Variants in LRP1B observed in about 807,000 individuals in gnomAD.
LRP1B encodes the protein LDL receptor related protein 1B, also known as low-density lipoprotein receptor-related protein 1B.
In LRP1B, 217 loss-of-function variants were observed where a neutral mutation model predicts 556.6. The ratio of observed to expected loss-of-function variants is 0.39; its 90% CI spans 0.35 to 0.44. LRP1B has a LOEUF of 0.44. Among genes scored for constraint, LRP1B ranks in the 20% least tolerant of loss-of-function variants. The probability of loss-of-function intolerance (pLI) is 1.00; values close to 1 mark genes in which losing one functional copy is unlikely to be tolerated. For synonymous variants in LRP1B, 2,047 were observed against 1,865.8 expected, an observed-to-expected ratio of 1.10 and a Z score of -2.50; for missense variants, 5,053 against 5,620.8, an observed-to-expected ratio of 0.90 and a Z score of 3.23.
intron 14 of LRP1B, among the ~76,000 whole-genome samples, chr2:141,007,565 G>T (rs1697613424): frequency 6.6e-6 from 1 of 151,112 alleles, no homozygotes; most frequent in Admixed American, 6.6e-5. Flanking sequence ...CATGGCCATG[G>T]AATAAAAATG....
At chr2:141,008,742 G>C (rs1452522457) in intron 14 of LRP1B, among the ~76,000 whole-genome samples, 1 of 151,888 alleles carries the variant, frequency 6.6e-6, no homozygotes, top group Non-Finnish European at 1.5e-5. Context: ...CCAGCATAGA[G>C]TGTGTTTGAT....
intron 45 of LRP1B, among the ~76,000 whole-genome samples, chr2:140,538,361 C>T (rs989932426): frequency 6.6e-6 from 1 of 151,970 alleles, no homozygotes; most frequent in African/African-American, 2.4e-5. Context: ...ATTTTTCAAC[C>T]TTTGTCCACC....
chr2:140,251,945 G>A (rs1344283852), intron 86 of LRP1B, among the ~76,000 whole-genome samples: 1 of 149,628 alleles, frequency 6.7e-6, no homozygotes, highest in Non-Finnish European at 1.5e-5. Flanking sequence ...CACTCTTTTG[G>A]TGGTGAGCAT....
intron 18 of LRP1B, among the ~76,000 whole-genome samples, chr2:140,964,911 G>T (rs966887463): frequency 6.6e-6 from 1 of 152,122 alleles, no homozygotes; most frequent in Non-Finnish European, 1.5e-5. Context: ...CTGAGACTGC[G>T]TCATTGCACT....
Position 140,569,311 on chromosome 2 carries a change from A to G in LRP1B, c.7195-27340T>C, listed in dbSNP as rs553773127. 2.0e-5 allele frequency among the ~76,000 whole-genome samples: 3 copies of G among 152,136 alleles called. No homozygotes were observed. In the East Asian group the frequency reaches 5.8e-4, roughly 29 times the overall value. On this transcript the variant is annotated intron_variant, in intron 43 of 90. Transcript: ENST00000389484. The stretch of plus-strand genomic sequence containing the variant: ...AACAAGACCCAGCAGTATGCTACTT[A>G]AAAAGGAATTTCTTTGACCTATAAA...
At chr2:141,863,177 C>G (rs1333942126) in intron 1 of LRP1B, among the ~76,000 whole-genome samples, 1 of 152,034 alleles carries the variant, frequency 6.6e-6, no homozygotes, top group Non-Finnish European at 1.5e-5. Flanking sequence ...TCTATAGCAC[C>G]AAACACAGTG....
chr2:141,048,807 T>C (rs762970620), intron 11 of LRP1B, among the ~76,000 whole-genome samples, 179 bp downstream of exon 11: 3 of 152,148 alleles, frequency 2.0e-5, no homozygotes, highest in Non-Finnish European at 4.4e-5. Flanking sequence ...AAGGCTTTAA[T>C]ACACTGGTAT....
chr2:141,176,585 C>G (rs776772717), intron 7 of LRP1B, among the ~76,000 whole-genome samples: 3 of 151,458 alleles, frequency 2.0e-5, no homozygotes, highest in Non-Finnish European at 4.4e-5. Flanking sequence ...AATTAAACCT[C>G]TTTTCTTCAT....
chr2:141,115,719 T>C (rs1008563451), intron 7 of LRP1B, among the ~76,000 whole-genome samples: 1 of 151,744 alleles, frequency 6.6e-6, no homozygotes, highest in Non-Finnish European at 1.5e-5. Context: ...CCTGACCTCA[T>C]GATCCGCCCC....
chr2:141,300,540 A>T (rs545967129), intron 3 of LRP1B, among the ~76,000 whole-genome samples: 6 of 152,282 alleles, frequency 3.9e-5, no homozygotes. Flanking sequence ...GATAGCCTCA[A>T]TGTTGAAGGT....
intron 7 of LRP1B, among the ~76,000 whole-genome samples, chr2:141,082,115 C>T (rs549893198): frequency 1.3e-5 from 1 of 76,012 alleles, no homozygotes; most frequent in East Asian, 4.2e-4. Flanking sequence ...TCTATAGCTC[C>T]ATTCCAAGAC....
At chr2:141,889,400 A>G (rs375050713) in intron 1 of LRP1B, among the ~76,000 whole-genome samples, 2 of 152,154 alleles carry the variant, frequency 1.3e-5, no homozygotes, top group South Asian at 4.1e-4. Context: ...TCTCCTTCTG[A>G]ATTTATGTGA....
Position 140,813,685 on chromosome 2 carries a change from T to G in LRP1B, c.5331A>C (p.Leu1777Phe), listed in dbSNP as rs1259823108. The change falls in exon 32 of 91, where the codon TTA (leucine) becomes TTC (phenylalanine). Residue 1777 changes from leucine (L) to phenylalanine (F), a missense_variant. By Grantham distance (22) the Leu-to-Phe change is conservative. Around this residue, in one of 5 missense-constraint regions of LRP1B, gnomAD observed 3,619 missense variants for 3,931.9 expected, o/e 0.92. Coordinates refer to ENST00000389484, the MANE Select transcript of LRP1B (RefSeq NM_018557.3). ...LEVIESMKEE[L>F]TKATALTIMD... ...TGATGGTTAGGGCTGTAGCTTTTGT[T>G]AATTCTTCTTTCATTGACTCGATTA... is the stretch of plus-strand genomic sequence containing the variant. The G allele has an allele frequency of 1.9e-6, 3 of 1,613,518 alleles. No homozygotes were observed. In the African/African-American group the frequency reaches 4.0e-5, roughly 22 times the overall value.
At chr2:141,168,571 T>G (rs1026030352) in intron 7 of LRP1B, among the ~76,000 whole-genome samples, 1 of 152,038 alleles carries the variant, frequency 6.6e-6, no homozygotes, top group Non-Finnish European at 1.5e-5. Flanking sequence ...GAAAAGACCA[T>G]GAAAGAAAAA....
intron 71 of LRP1B, among the ~76,000 whole-genome samples, chr2:140,365,493 T>C (rs1682718508): frequency 6.6e-6 from 1 of 151,662 alleles, no homozygotes; most frequent in Non-Finnish European, 1.5e-5. Flanking sequence ...ATGAATAAAT[T>C]TGGGTTATAT....
intron 3 of LRP1B, among the ~76,000 whole-genome samples, chr2:141,478,353 A>T (rs1159666160): frequency 1.3e-5 from 2 of 152,212 alleles, no homozygotes; most frequent in Admixed American, 6.5e-5. Context: ...TTAAAAGCTT[A>T]GTCATACATA....
At chr2:141,217,193 TTAGTGCTGTCCTCAGAA>T (rs1682849675) in intron 6 of LRP1B, among the ~76,000 whole-genome samples, 1 of 151,066 alleles carries the variant, frequency 6.6e-6, no homozygotes, top group Non-Finnish European at 1.5e-5. Context: ...CTCTCAAGGC[TTAGTGCTGTCCTCAGAA>T]TAGTGAGTGA....
chr2:140,751,350 A>G (rs980073012), intron 35 of LRP1B, among the ~76,000 whole-genome samples: 5 of 152,140 alleles, frequency 3.3e-5, no homozygotes, highest in African/African-American at 1.2e-4. Flanking sequence ...TAAAATATAT[A>G]TAAATGGAAG....
intron 2 of LRP1B, among the ~76,000 whole-genome samples, chr2:141,726,803 G>C (rs948467474): frequency 2.0e-5 from 3 of 152,080 alleles, no homozygotes; most frequent in African/African-American, 7.2e-5. Context: ...AACTTATAAA[G>C]TTTGTTCATA....
Sources: gnomAD v4.1 joint callset for allele counts (sites outside exome capture counted in the v4.1 genomes callset) on GRCh38, gnomAD v4.1.1 for gene constraint, gnomAD v4.1.1 regional missense constraint, MANE v1.5 for transcripts, NCBI Gene and HGNC (gene_info 2026-07-23, HGNC 2026-07-21) for gene names.